FAP: variants seen among roughly 807,000 people sequenced by gnomAD.
FAP encodes fibroblast activation protein alpha, also known as prolyl endopeptidase FAP.
In FAP, 110 loss-of-function variants were observed where a neutral mutation model predicts 126.5. The observed-to-expected ratio is 0.87, with a 90% CI of 0.74 to 1.02. The LOEUF is 1.02. Among genes scored for constraint, FAP ranks in the 50% least tolerant of loss-of-function variants. The probability of loss-of-function intolerance (pLI) is 0.00; values close to 1 mark genes in which losing one functional copy is unlikely to be tolerated. For synonymous variants in FAP, 334 were observed against 297.3 expected, an observed-to-expected ratio of 1.12 and a Z score of -1.27; for missense variants, 919 against 909.2, an observed-to-expected ratio of 1.01 and a Z score of -0.14.
intron 8 of FAP, 147 bp downstream of exon 8, chr2:162,218,916 A>G (rs1689269986): frequency 3.8e-6 from 2 of 519,582 alleles, no homozygotes; most frequent in Non-Finnish European, 6.4e-6. Context: ...TAAAATACGT[A>G]TGCCCTATTC....
At chr2:162,222,297 A>G (rs1172326179) in intron 6 of FAP, among the ~76,000 whole-genome samples, 1 of 152,146 alleles carries the variant, frequency 6.6e-6, no homozygotes, top group African/African-American at 2.4e-5. Context: ...TTTGCATCTC[A>G]TTGTTATATG....
chr2:162,221,017 A>G (rs766334101), intron 6 of FAP, among the ~76,000 whole-genome samples: 8 of 152,152 alleles, frequency 5.3e-5, no homozygotes, highest in Non-Finnish European at 8.8e-5. Flanking sequence ...TATTTGGGCA[A>G]TTGTGAAGAT....
At chr2:162,195,396 G>C (rs959191929) in intron 16 of FAP, among the ~76,000 whole-genome samples, 58 of 151,960 alleles carry the variant, frequency 3.8e-4, no homozygotes, top group African/African-American at 1.4e-3. Flanking sequence ...GAGACCCCTA[G>C]ATAGCTTGTA....
intron 21 of FAP, chr2:162,175,576 A>G (rs947853831): frequency 6.6e-6 from 1 of 152,222 alleles, no homozygotes; most frequent in African/African-American, 2.4e-5. Context: ...AGGAAAAGTC[A>G]TTGGTGTCTT....
chr2:162,186,064 C>A (rs1314235140), intron 20 of FAP, among the ~76,000 whole-genome samples: 1 of 152,094 alleles, frequency 6.6e-6, no homozygotes, highest in Non-Finnish European at 1.5e-5. Flanking sequence ...GGGGTGTTTA[C>A]TAAAAGTTTG....
chr2:162,191,360 T>G (rs2106230281), intron 17 of FAP, among the ~76,000 whole-genome samples: 1 of 152,216 alleles, frequency 6.6e-6, no homozygotes, highest in Middle Eastern at 3.4e-3. Context: ...TGGGCAATTT[T>G]TCCACCTCTT....
intron 16 of FAP, 116 bp from the exon 17 acceptor site, chr2:162,194,864 C>T: frequency 1.1e-6 from 1 of 876,714 alleles, no homozygotes; most frequent in Non-Finnish European, 1.9e-6. Context: ...TCTTTTAATT[C>T]TGCAGCTATT....
intron 2 of FAP, among the ~76,000 whole-genome samples, chr2:162,237,999 T>C (rs533593717): frequency 1.3e-5 from 2 of 152,354 alleles, no homozygotes; most frequent in South Asian, 2.1e-4. Context: ...ATGCCTTTTT[T>C]TGAGAAATGT....
intron 17 of FAP, among the ~76,000 whole-genome samples, chr2:162,192,773 C>T (rs1255563296): frequency 6.6e-6 from 1 of 152,134 alleles, no homozygotes. Flanking sequence ...ACAATGACTC[C>T]TCTATTTCAG....
chr2:162,186,919 T>C (rs1486392470), intron 20 of FAP, among the ~76,000 whole-genome samples: 1 of 152,054 alleles, frequency 6.6e-6, no homozygotes, highest in Non-Finnish European at 1.5e-5. Context: ...AAGTGAATAG[T>C]TGAAAGGCCA....
At position 162,203,098 on chromosome 2, in the gene FAP, G is replaced by A. The variant is rs1445172437; in HGVS notation, c.1095C>T (p.Tyr365=). The change falls in exon 13 of 26, where the codon TAC becomes TAT. Residue 365 remains tyrosine, a synonymous_variant. Transcript: ENST00000188790. The part of the protein sequence containing the change: ...PVFSYDAISY[Y]KIFSDKDGYK... ...AGCCATCCTTGTCACTAAATATTTT[G>A]TAGTACGAAATGGCATCATAGCTGA... 1.2e-6 allele frequency: 2 copies of A among 1,613,490 alleles called. No homozygotes were observed. The highest frequency in any genetic ancestry group is 2.7e-5 in the African/African-American group (2 of 74,908).
intron 9 of FAP, among the ~76,000 whole-genome samples, chr2:162,216,382 G>A (rs1238954283): frequency 1.3e-5 from 2 of 152,132 alleles, no homozygotes; most frequent in Non-Finnish European, 2.9e-5. Flanking sequence ...AGAGTTCAGA[G>A]GGTGATTAAT....
At position 162,219,421 on chromosome 2, in the gene FAP, T is replaced by A. The variant is rs937269999; in HGVS notation, c.487-238A>T. Reference sequence around the variant, plus strand: ...CCTATTATTTTCTTAGTTGTTTCATTAACCCCAAATAAATAATTATGTATA... The same window carrying A: ...CCTATTATTTTCTTAGTTGTTTCATAAACCCCAAATAAATAATTATGTATA... On this transcript the variant is annotated intron_variant, in intron 7 of 25. Transcript: ENST00000188790. 2.6e-5 allele frequency among the ~76,000 whole-genome samples: 4 copies of A among 152,152 alleles called. No individual in the cohort carries two copies. The East Asian group carries it at 7.7e-4, about 29-fold the overall frequency.
intron 3 of FAP, 35 bp downstream of exon 3, chr2:162,226,488 T>C (rs1559791491): frequency 8.6e-7 from 1 of 1,162,248 alleles, no homozygotes; most frequent in Non-Finnish European, 1.2e-6. Flanking sequence ...ACAAAATACA[T>C]AAAAAAAACC....
chr2:162,212,570 T>A (rs1383926925), intron 11 of FAP, among the ~76,000 whole-genome samples: 1 of 152,216 alleles, frequency 6.6e-6, no homozygotes, highest in Non-Finnish European at 1.5e-5. Context: ...GCCTGAGTAA[T>A]GTTGACTATT....
chr2:162,198,689 G>A lies in FAP; in HGVS notation c.1402+68C>T, dbSNP rs1383776139. 12 of 1,568,790 alleles carry A rather than the reference G, an allele frequency of 7.6e-6. No homozygotes were observed. In the East Asian group the frequency reaches 2.5e-4, roughly 32 times the overall value. The stretch of plus-strand genomic sequence containing the variant: ...ATTAACTGTAGCTACGAATTGATCA[G>A]ATAGAGGTGAGGAGGATGACAACCA... On this transcript the variant is annotated intron_variant, in intron 16 of 25. Transcript: ENST00000188790.
chr2:162,221,759 C>T (rs1270414364), intron 6 of FAP: 2 of 456,562 alleles, frequency 4.4e-6, no homozygotes, highest in Non-Finnish European at 8.8e-6. Flanking sequence ...AGGGAGGATG[C>T]TTTACAAAGG....
At chr2:162,195,579 C>A (rs1330273472) in intron 16 of FAP, among the ~76,000 whole-genome samples, 1 of 151,976 alleles carries the variant, frequency 6.6e-6, no homozygotes, top group Non-Finnish European at 1.5e-5. Flanking sequence ...CTAGCACTCT[C>A]AGTAGCTGAA....
chr2:162,238,721 C>T (rs1690233879), intron 2 of FAP, among the ~76,000 whole-genome samples: 2 of 152,120 alleles, frequency 1.3e-5, no homozygotes, highest in African/African-American at 2.4e-5. Context: ...AATATTTTAA[C>T]TTTACTACTA....
Sources: gnomAD v4.1 joint callset for allele counts (sites outside exome capture counted in the v4.1 genomes callset) on GRCh38, gnomAD v4.1.1 for gene constraint, MANE v1.5 for transcripts, NCBI Gene and HGNC (gene_info 2026-07-23, HGNC 2026-07-21) for gene names.